The following LYPLAL1 variants were observed in gnomAD, a reference collection of about 807,000 sequenced individuals.
LYPLAL1 encodes the protein lysophospholipase like 1.
A neutral mutation model predicts 19.7 loss-of-function variants in LYPLAL1; 23 were observed. The observed-to-expected ratio is 1.17, with a 90% CI of 0.84 to 1.65. The LOEUF is 1.65. LYPLAL1 is among the 40% of genes most tolerant of loss of function. The pLI is 0.00. For missense variants in LYPLAL1, 355 were observed against 279.4 expected, an observed-to-expected ratio of 1.27 and a Z score of -1.93; for synonymous variants, 119 against 96.3, an observed-to-expected ratio of 1.24 and a Z score of -1.38.
chr1:219,230,629 A>G, the LYPLAL1 span, among the ~76,000 whole-genome samples: 1 of 152,266 alleles, frequency 6.6e-6, no homozygotes, highest in Non-Finnish European at 1.5e-5. Flanking sequence ...AAAGATTAGC[A>G]GACAACCTCC....
At chr1:219,388,637 A>T in the LYPLAL1 span, among the ~76,000 whole-genome samples, 3 of 152,082 alleles carry the variant, frequency 2.0e-5, no homozygotes, top group Non-Finnish European at 2.9e-5. Context: ...TACTGCAAAT[A>T]CCCCAAAAGT....
the LYPLAL1 span, among the ~76,000 whole-genome samples, chr1:219,399,408 G>A: frequency 1.3e-5 from 2 of 152,176 alleles, no homozygotes; most frequent in East Asian, 3.9e-4. Context: ...GGGTCTAATT[G>A]CAATGGCAGT....
intron 3 of LYPLAL1, among the ~76,000 whole-genome samples, chr1:219,199,289 A>T (rs1657879479): frequency 6.6e-6 from 1 of 152,216 alleles, no homozygotes; most frequent in Non-Finnish European, 1.5e-5. Context: ...ACAGACAAGA[A>T]GTATTATTCT....
chr1:219,397,843 T>C, the LYPLAL1 span, among the ~76,000 whole-genome samples: 1 of 152,206 alleles, frequency 6.6e-6, no homozygotes, highest in Non-Finnish European at 1.5e-5. Context: ...AAATTCTGGC[T>C]CGTTTTTTCT....
At chr1:219,387,193 G>GCTC in the LYPLAL1 span, among the ~76,000 whole-genome samples, 1 of 152,070 alleles carries the variant, frequency 6.6e-6, no homozygotes, top group Admixed American at 6.6e-5. Flanking sequence ...TCATTCAGCT[G>GCTC]CTCCTGCCTG....
rs1558249485 is a variant in LYPLAL1 at position 219,212,497 on chromosome 1, G to T, written c.*769G>T. On this transcript the variant is annotated 3_prime_UTR_variant, in exon 5 of 5. Transcript: ENST00000366928. ...CATGATCTGGTTCCAGGAATACATT[G>T]TTAGATGACTGAAAAATTGTATTAC... 1 of 151,918 alleles carries T rather than the reference G, an allele frequency of 6.6e-6. No individual in the cohort carries two copies. Among genetic ancestry groups the T allele is most frequent in the African/African-American group, 2.4e-5 (1 of 41,406 alleles). The allele number at this position is 151,918 out of a possible 1,614,324, so 9.4% of individuals were successfully genotyped here.
chr1:219,317,880 C>T, the LYPLAL1 span, among the ~76,000 whole-genome samples: 7 of 152,138 alleles, frequency 4.6e-5, no homozygotes, highest in African/African-American at 1.7e-4. Flanking sequence ...CTTTAAGATC[C>T]ATAGCAACAG....
chr1:219,176,628 T>C (rs970529300), intron 1 of LYPLAL1, among the ~76,000 whole-genome samples: 1 of 152,232 alleles, frequency 6.6e-6, no homozygotes, highest in Non-Finnish European at 1.5e-5. Flanking sequence ...TGGCCATTAA[T>C]GATGGGGTTT....
chr1:219,279,495 C>T, the LYPLAL1 span, among the ~76,000 whole-genome samples: 1 of 152,132 alleles, frequency 6.6e-6, no homozygotes. Flanking sequence ...GCATGAAAGA[C>T]ATTTGTGTGT....
chr1:219,428,271 A>G, the LYPLAL1 span, among the ~76,000 whole-genome samples: 3 of 152,226 alleles, frequency 2.0e-5, no homozygotes, highest in East Asian at 5.8e-4. Flanking sequence ...AAGTTTCATG[A>G]GCTTTTATTT....
the LYPLAL1 span, among the ~76,000 whole-genome samples, chr1:219,334,241 T>G: frequency 2.0e-5 from 3 of 152,030 alleles, no homozygotes; most frequent in African/African-American, 7.2e-5. Flanking sequence ...CTCTTAACTC[T>G]GAGTTTCTTT....
the LYPLAL1 span, among the ~76,000 whole-genome samples, chr1:219,323,605 T>A: frequency 6.6e-6 from 1 of 152,134 alleles, no homozygotes; most frequent in African/African-American, 2.4e-5. Flanking sequence ...CTGCTCCAAA[T>A]GAAACATGTA....
the LYPLAL1 span, among the ~76,000 whole-genome samples, chr1:219,395,599 T>G: frequency 6.6e-6 from 1 of 152,082 alleles, no homozygotes; most frequent in Non-Finnish European, 1.5e-5. Flanking sequence ...TTTCTTTTAC[T>G]GTGTAGAAGC....
At chr1:219,206,225 CAT>C (rs1344010120) in intron 3 of LYPLAL1, among the ~76,000 whole-genome samples, 5 of 151,854 alleles carry the variant, frequency 3.3e-5, no homozygotes, top group Admixed American at 1.3e-4. Context: ...TATTTTTTAA[CAT>C]GTTTTATTCA....
the LYPLAL1 span, chr1:219,270,821 CCTTA>C: frequency 6.6e-6 from 1 of 152,140 alleles, no homozygotes; most frequent in South Asian, 2.1e-4. Context: ...GACTCTGTTG[CCTTA>C]CTATCTGCCT....
At chr1:219,254,757 A>G in the LYPLAL1 span, among the ~76,000 whole-genome samples, 5 of 151,870 alleles carry the variant, frequency 3.3e-5, no homozygotes, top group African/African-American at 4.8e-5. Flanking sequence ...TGTTTTGGGG[A>G]TGATCTTCTT....
At chr1:219,391,237 A>T in the LYPLAL1 span, among the ~76,000 whole-genome samples, 1 of 152,084 alleles carries the variant, frequency 6.6e-6, no homozygotes, top group East Asian at 1.9e-4. Flanking sequence ...TTTCTCCTCC[A>T]TGGACTGCTA....
chr1:219,224,480 A>G, the LYPLAL1 span, among the ~76,000 whole-genome samples: 1 of 152,150 alleles, frequency 6.6e-6, no homozygotes, highest in Non-Finnish European at 1.5e-5. Flanking sequence ...CTGGAGGGGA[A>G]TTCAGAGATT....
the LYPLAL1 span, among the ~76,000 whole-genome samples, chr1:219,350,005 C>T: frequency 1.4e-3 from 211 of 152,312 alleles, no homozygotes; most frequent in Non-Finnish European, 2.7e-3. Flanking sequence ...TTTGATTTCA[C>T]TGCAAACTGC....
Sources: gnomAD v4.1 joint callset for allele counts (sites outside exome capture counted in the v4.1 genomes callset) on GRCh38, gnomAD v4.1.1 for gene constraint, MANE v1.5 for transcripts, NCBI Gene and HGNC (gene_info 2026-07-23, HGNC 2026-07-21) for gene names.